Variants in LMF1 observed in about 807,000 individuals in gnomAD.
LMF1 encodes transmembrane protein 112.
In LMF1, 68 loss-of-function variants were observed where a neutral mutation model predicts 60.6. The observed-to-expected ratio is 1.12, with a 90% CI of 0.92 to 1.37. The LOEUF is 1.37. Ranked by LOEUF, LMF1 falls within the 40% of genes most tolerant of loss-of-function variation. LMF1 has a pLI of 0.00. For missense variants in LMF1, 948 were observed against 767.2 expected (o/e 1.24, Z -2.78); for synonymous variants, 418 against 324.7 (o/e 1.29, Z -3.09).
chr16:931,809 C>T (rs1318179522), intron 3 of LMF1: 1 of 1,278,778 alleles, frequency 7.8e-7, no homozygotes, highest in Admixed American at 2.3e-5. Context: ...GGGTCAGACA[C>T]AACATGAAAC....
intron 3 of LMF1, among the ~76,000 whole-genome samples, chr16:914,628 G>A: frequency 1.3e-5 from 2 of 150,328 alleles, no homozygotes; most frequent in African/African-American, 2.5e-5. Context: ...CATGACCATT[G>A]GTGACACACT....
chr16:958,971 C>T (rs976251982), intron 1 of LMF1, among the ~76,000 whole-genome samples: 3 of 152,102 alleles, frequency 2.0e-5, no homozygotes, highest in African/African-American at 7.2e-5. Context: ...GCAGGAGTGC[C>T]CTCGCTGTGC....
chr16:971,264 G>A (rs1596178968), upstream of LMF1, among the ~76,000 whole-genome samples: 1 of 152,228 alleles, frequency 6.6e-6, no homozygotes, highest in East Asian at 1.9e-4. Flanking sequence ...CGCCCGACCC[G>A]AGCTCACTGG....
At chr16:873,126 C>G (rs2069851005) in intron 6 of LMF1, 1 of 152,308 alleles carries the variant, frequency 6.6e-6, no homozygotes, top group African/African-American at 2.4e-5. Context: ...CCCCGTTCAG[C>G]TGCTCTGGTG....
chr16:981,347 A>T (rs673332), upstream of LMF1: 1,970 of 95,882 alleles, frequency 0.021, 76 homozygotes, highest in African/African-American at 0.041. Flanking sequence ...AGAGAGAGAG[A>T]GTGTGTGTGT....
chr16:954,957 T>C (rs1435343148), intron 1 of LMF1, among the ~76,000 whole-genome samples: 23 of 84,356 alleles, frequency 2.7e-4, no homozygotes, highest in African/African-American at 1.1e-3. Context: ...GGTGTGTGCA[T>C]CCACACACAC....
At position 939,250 on chromosome 16, in the gene LMF1, C is replaced by T. The variant is rs952875976; in HGVS notation, c.504-4996G>A. The stretch of plus-strand genomic sequence containing the variant: ...CTGAGTAGGGAACAGGACAACAGCA[C>T]GCTGTCCCCGCCGTGAGCACGAACC... On this transcript the variant is annotated intron_variant, in intron 2 of 10. Coordinates refer to ENST00000262301, the MANE Select transcript of LMF1 (RefSeq NM_022773.4). 7.9e-5 allele frequency among the ~76,000 whole-genome samples: 9 copies of T among 113,304 alleles called. No homozygotes were observed. The South Asian group carries it at 1.0e-3, about 13-fold the overall frequency. The allele number at this position is 113,304 out of a possible 152,430, so 74.3% of individuals were successfully genotyped here.
rs2072613379 is a variant in LMF1 at position 954,392 on chromosome 16, G to A, written c.468C>T (p.Gly156=). Residue 156 remains glycine, a synonymous_variant, in exon 2 of 11, where the codon GGC becomes GGT. Transcript: ENST00000262301. ...ANMLLMAALW[G]LYMSLVNVGH... ...CCACATTAACCAGGGACATGTAGAG[G>A]CCCCACAGGGCAGCCATGAGAAGCA... is the stretch of plus-strand genomic sequence containing the variant. 2 of 1,612,694 alleles carry A rather than the reference G, an allele frequency of 1.2e-6. No individual in the cohort carries two copies. The highest frequency in any genetic ancestry group is 2.2e-5 in the East Asian group (1 of 44,886).
At position 954,062 on chromosome 16, in the gene LMF1, G is replaced by GCTTCCTACACGTCCACACAGACACCC. The variant is rs1567312834; in HGVS notation, c.503+294_503+295insGGGTGTCTGTGTGGACGTGTAGGAAG. 5.0e-4 allele frequency among the ~76,000 whole-genome samples: 55 copies of GCTTCCTACACGTCCACACAGACACCC among 110,844 alleles called. 4 individuals carry two copies. The highest frequency in any genetic ancestry group is 9.3e-4 in the African/African-American group (23 of 24,764). The allele number at this position is 110,844 out of a possible 152,430, so 72.7% of individuals were successfully genotyped here. On this transcript the variant is annotated intron_variant, in intron 2 of 10. Transcript: ENST00000262301. ...CCTCCTACACGTCCACACAGACACAGACCCACTGCTTCTGCCTCCCTTTCC... is the reference window on the plus strand; with the variant it reads ...CCTCCTACACGTCCACACAGACACAGCTTCCTACACGTCCACACAGACACCCACCCACTGCTTCTGCCTCCCTTTCC...
At position 958,836 on chromosome 16, in the gene LMF1, G is replaced by A. The variant is rs531272556; in HGVS notation, c.194-4170C>T. Among the ~76,000 whole-genome samples the A allele has an allele frequency of 3.2e-3, 493 of 151,910 alleles. 3 individuals carry two copies. Among genetic ancestry groups the A allele is most frequent in the African/African-American group, 0.011 (463 of 41,398 alleles). ...CAGGAGGCGGAGGTTGGAGTGAGCC[G>A]ACACAGCGCCACTGCACTCCAGCCT... is the stretch of plus-strand genomic sequence containing the variant. On this transcript the variant is annotated intron_variant, in intron 1 of 10. Coordinates refer to ENST00000262301, the MANE Select transcript of LMF1 (RefSeq NM_022773.4).
intron 3 of LMF1, among the ~76,000 whole-genome samples, chr16:929,344 G>A (rs1206877409): frequency 6.6e-6 from 1 of 152,244 alleles, no homozygotes; most frequent in Non-Finnish European, 1.5e-5. Flanking sequence ...GCCCCATGGG[G>A]GACGGGGACC....
chr16:884,036 T>C (rs1384182694), intron 5 of LMF1: 1 of 152,254 alleles, frequency 6.6e-6, no homozygotes, highest in African/African-American at 2.4e-5. Flanking sequence ...TTCATGTCTT[T>C]TGAAGCTCTA....
chr16:954,954 G>GCAAACACACACA (rs1486771586), intron 1 of LMF1, among the ~76,000 whole-genome samples: 1 of 100,442 alleles, frequency 1.0e-5, no homozygotes, highest in Non-Finnish European at 2.0e-5. Context: ...CGCGGTGTGT[G>GCAAACACACACA]CATCCACACA....
At position 860,119 on chromosome 16, in the gene LMF1, C is replaced by A. The variant is rs914130105; in HGVS notation, c.1530-5413G>T. Among the ~76,000 whole-genome samples the A allele has an allele frequency of 2.0e-5, 3 of 151,774 alleles. No homozygotes were observed. In the South Asian group the frequency reaches 6.2e-4, roughly 31 times the overall value. Reference sequence around the variant, plus strand: ...ATTTTAGTATTAAGTTATGAAACTTCTTTACATATTCCAGATTTTAGACTA... The same window carrying A: ...ATTTTAGTATTAAGTTATGAAACTTATTTACATATTCCAGATTTTAGACTA... On this transcript the variant is annotated intron_variant, in intron 10 of 10. Coordinates refer to ENST00000262301, the MANE Select transcript of LMF1 (RefSeq NM_022773.4).
intron 8 of LMF1, 90 bp downstream of exon 8, chr16:870,639 C>T (rs1348007679): frequency 2.7e-6 from 4 of 1,454,832 alleles, no homozygotes; most frequent in South Asian, 2.3e-5. Flanking sequence ...GTCATGGGGG[C>T]CTGCACTGTA....
At chr16:915,821 G>A (rs571890564) in intron 3 of LMF1, among the ~76,000 whole-genome samples, 22 of 152,278 alleles carry the variant, frequency 1.4e-4, no homozygotes, top group Middle Eastern at 3.4e-3. Flanking sequence ...CACCATCACC[G>A]GGGGCCGGAG....
intron 3 of LMF1, among the ~76,000 whole-genome samples, chr16:930,634 G>A (rs1166333627): frequency 6.6e-6 from 1 of 152,260 alleles, no homozygotes; most frequent in African/African-American, 2.4e-5. Flanking sequence ...GGGGCTGTGC[G>A]GACTTCCCGG....
intron 6 of LMF1, chr16:871,653 C>T (rs370939022): frequency 1.8e-5 from 6 of 333,972 alleles, no homozygotes; most frequent in African/African-American, 1.1e-4. Flanking sequence ...AGACCCTGTG[C>T]CCTCCTGGAA....
chr16:973,317 C>G (rs1233378642), upstream of LMF1, among the ~76,000 whole-genome samples: 1 of 152,158 alleles, frequency 6.6e-6, no homozygotes, highest in Non-Finnish European at 1.5e-5. Flanking sequence ...TGCACTCCAG[C>G]CTGGGCCACA....
Sources: gnomAD v4.1 joint callset for allele counts (sites outside exome capture counted in the v4.1 genomes callset) on GRCh38, gnomAD v4.1.1 for gene constraint, MANE v1.5 for transcripts, NCBI Gene and HGNC (gene_info 2026-07-23, HGNC 2026-07-21) for gene names.